Variants in PRRC2C observed in about 807,000 individuals in gnomAD.
PRRC2C encodes proline rich coiled-coil 2C.
Under a neutral mutation model 317.2 loss-of-function variants are expected in PRRC2C, and 72 were observed. The observed-to-expected ratio is 0.23, with a 90% CI of 0.19 to 0.28. The LOEUF (loss-of-function observed/expected upper bound fraction) is 0.28, where lower values mean the gene tolerates loss of function less well. Ranked by LOEUF, PRRC2C falls within the 10% of genes least tolerant of loss-of-function variation. The pLI, the probability that PRRC2C is intolerant of heterozygous loss-of-function variation, is 1.00. For synonymous variants in PRRC2C, 1,296 were observed against 1,205.9 expected (o/e 1.07, Z -1.55); for missense variants, 3,074 against 3,459.7 (o/e 0.89, Z 2.80).
rs1648109401 is a variant in PRRC2C, at chr1:171,579,810, T to A, written c.7273-18T>A. ...GATGTTGATATATATGTTTACATAC[T>A]TTCTCAATGCATTGCAGCCAACTTC... On this transcript the variant is annotated intron_variant, in intron 27 of 34. Coordinates refer to ENST00000647382, the MANE Select transcript of PRRC2C (RefSeq NM_001387844.1). The A allele has an allele frequency of 6.6e-7, 1 of 1,523,688 alleles. No individual in the cohort carries two copies. Among genetic ancestry groups the A allele is most frequent in the Non-Finnish European group, 8.8e-7 (1 of 1,138,518 alleles). The allele number at this position is 1,523,688 out of a possible 1,614,324, so 94.4% of individuals were successfully genotyped here. A position where few individuals can be genotyped will look rare whatever the true frequency, so the allele number is the denominator to read the frequency against.
intron 34 of PRRC2C, among the ~76,000 whole-genome samples, 182 bp downstream of exon 34, chr1:171,589,787 C>CT (rs897816545): frequency 2.0e-5 from 3 of 150,828 alleles, no homozygotes; most frequent in East Asian, 3.9e-4. Flanking sequence ...TTCCTTTCAT[C>CT]TTTTTTTTCT....
At chr1:171,550,865 C>G (rs550305333) in intron 18 of PRRC2C, among the ~76,000 whole-genome samples, 6 of 152,112 alleles carry the variant, frequency 3.9e-5, no homozygotes, top group African/African-American at 1.4e-4. Flanking sequence ...TCCAGTCTAT[C>G]ATTGATGGAC....
intron 18 of PRRC2C, among the ~76,000 whole-genome samples, chr1:171,550,974 T>C (rs1304429275): frequency 6.6e-6 from 1 of 152,172 alleles, no homozygotes; most frequent in Non-Finnish European, 1.5e-5. Context: ...ATCCTTTGGG[T>C]ATATACCCAG....
intron 1 of PRRC2C, among the ~76,000 whole-genome samples, chr1:171,496,774 C>CAT (rs1668177992): frequency 1.4e-5 from 2 of 146,892 alleles, no homozygotes; most frequent in South Asian, 2.2e-4. Flanking sequence ...ACATTTGGGG[C>CAT]GTGTGTGTGT....
chr1:171,536,555 ATTG>A (rs1676869788), intron 14 of PRRC2C, among the ~76,000 whole-genome samples: 1 of 152,152 alleles, frequency 6.6e-6, no homozygotes, highest in Non-Finnish European at 1.5e-5. Flanking sequence ...TATTGGCTAC[ATTG>A]TTGTTCTTCT....
chr1:171,530,243 CTTTTTTTTTT>C (rs778215422), intron 11 of PRRC2C, among the ~76,000 whole-genome samples: 1 of 63,332 alleles, frequency 1.6e-5, no homozygotes, highest in Non-Finnish European at 2.9e-5. Context: ...TGTAGCTGGG[CTTTTTTTTTT>C]TTTTTTTTTT....
chr1:171,504,282 A>G (rs879824031), intron 1 of PRRC2C, among the ~76,000 whole-genome samples: 2 of 152,240 alleles, frequency 1.3e-5, no homozygotes, highest in Non-Finnish European at 2.9e-5. Context: ...TTCAAAAAGC[A>G]AAAGTCCAGT....
At chr1:171,505,026 A>ATTTT (rs56282458) in intron 1 of PRRC2C, among the ~76,000 whole-genome samples, 3 of 136,700 alleles carry the variant, frequency 2.2e-5, no homozygotes, top group African/African-American at 5.4e-5. Flanking sequence ...AAGTATTTCA[A>ATTTT]TTTTTTTTTT....
chr1:171,574,175 T>A (rs1045884722), intron 24 of PRRC2C, among the ~76,000 whole-genome samples: 1 of 152,122 alleles, frequency 6.6e-6, no homozygotes, highest in Non-Finnish European at 1.5e-5. Context: ...TTATAAAATA[T>A]CAATTTATGT....
rs866701904 is a variant in PRRC2C, at chr1:171,561,078, C to T, written c.6092C>T (p.Ser2031Leu). ...AGTGCATGGAATAAGCCCTTAACATCGTTTGGATCAGCTCCTTCATCAGAG... is the reference window on the plus strand; with the variant it reads ...AGTGCATGGAATAAGCCCTTAACATTGTTTGGATCAGCTCCTTCATCAGAG... ...SVSAWNKPLT[S>L]FGSAPSSEGA... Residue 2031 changes from serine to leucine, a missense_variant, in exon 20 of 35, where the codon TCG (serine) becomes TTG (leucine). Around this residue, in one of 11 missense-constraint regions of PRRC2C, gnomAD observed 640 missense variants for 676.1 expected, o/e 0.95. Transcript: ENST00000647382. The T allele has an allele frequency of 1.2e-6, 2 of 1,605,342 alleles. No individual in the cohort carries two copies. Among genetic ancestry groups the T allele is most frequent in the East Asian group, 2.2e-5 (1 of 44,840 alleles).
intron 3 of PRRC2C, 53 bp from the exon 4 acceptor site, chr1:171,514,483 A>G (rs2102270334): frequency 7.3e-7 from 1 of 1,361,424 alleles, no homozygotes; most frequent in Non-Finnish European, 1.0e-6. Flanking sequence ...TATAATATTG[A>G]TTTTATTTAA....
rs1435204366 is a variant in PRRC2C at position 171,510,390 on chromosome 1, G to A, written c.-57-1642G>A. ...GTTAAATAACTTAAGCAAGTTGACT[G>A]TTTTTCTTGATACATCAGTTCCTTT... On this transcript the variant is annotated intron_variant, in intron 1 of 34. Transcript: ENST00000647382. 2.0e-5 allele frequency: 3 copies of A among 152,002 alleles called. No individual in the cohort carries two copies. The South Asian group carries it at 6.2e-4, about 32-fold the overall frequency. 9.4% of individuals were successfully genotyped at this position (152,002 alleles called of 1,614,324 possible).
intron 13 of PRRC2C, 21 bp from the exon 14 acceptor site, chr1:171,536,008 T>C (rs1676767187): frequency 6.4e-7 from 1 of 1,551,714 alleles, no homozygotes; most frequent in East Asian, 2.4e-5. Flanking sequence ...ACTCTCAAGA[T>C]ATGGGATCTT....
rs1676070649 is a variant in PRRC2C at position 171,532,566 on chromosome 1, A to T, written c.1478A>T (p.Lys493Met). ...GAGAAACTGAAACGATTGGATGAGA[A>T]GCTTGGCATCCTGGAAAAACAACCA... ...CAEKLKRLDE[K>M]LGILEKQPSP... Residue 493 changes from lysine to methionine, a missense_variant, in exon 12 of 35, where the codon AAG becomes ATG. Physicochemically the swap from Lys to Met is moderately conservative, Grantham distance 95. Around this residue, in one of 11 missense-constraint regions of PRRC2C, gnomAD observed 1,320 missense variants for 1,395.7 expected, o/e 0.95. Coordinates refer to ENST00000647382, the MANE Select transcript of PRRC2C (RefSeq NM_001387844.1). The T allele has an allele frequency of 1.3e-6, 2 of 1,574,574 alleles. No individual in the cohort carries two copies. The highest frequency in any genetic ancestry group is 3.8e-5 in the Admixed American group (2 of 53,028).
chr1:171,581,927 C>CAG (rs60419251), intron 28 of PRRC2C, among the ~76,000 whole-genome samples: 121,690 of 151,856 alleles, frequency 0.8, 48,898 homozygotes, highest in Middle Eastern at 0.89. Context: ...GCATCCATCT[C>CAG]AGATGATAGG....
intron 10 of PRRC2C, among the ~76,000 whole-genome samples, chr1:171,526,420 C>CTCCA: frequency 6.6e-6 from 1 of 152,302 alleles, no homozygotes; most frequent in South Asian, 2.1e-4. Context: ...TCACTGCAAC[C>CTCCA]TCCACCTCCT....
chr1:171,586,804 T>G (rs946183217), intron 30 of PRRC2C, among the ~76,000 whole-genome samples, 199 bp from the exon 31 acceptor site: 6 of 151,670 alleles, frequency 4.0e-5, no homozygotes, highest in Non-Finnish European at 8.8e-5. Context: ...GCCAGGATGG[T>G]CTCGATCTCT....
intron 30 of PRRC2C, among the ~76,000 whole-genome samples, chr1:171,585,881 G>A (rs561169982): frequency 6.6e-6 from 1 of 151,972 alleles, no homozygotes; most frequent in African/African-American, 2.4e-5. Flanking sequence ...TTGTGTGTTT[G>A]CGTATACATA....
chr1:171,536,813 A>G (rs1676927622), intron 14 of PRRC2C, among the ~76,000 whole-genome samples: 1 of 152,222 alleles, frequency 6.6e-6, no homozygotes, highest in Admixed American at 6.5e-5. Context: ...TTACATTTAT[A>G]CTGGTATTTG....
Sources: gnomAD v4.1 joint callset for allele counts (sites outside exome capture counted in the v4.1 genomes callset) on GRCh38, gnomAD v4.1.1 for gene constraint, gnomAD v4.1.1 regional missense constraint, MANE v1.5 for transcripts, NCBI Gene and HGNC (gene_info 2026-07-23, HGNC 2026-07-21) for gene names.